TNKS1BP1: variants seen among roughly 807,000 people sequenced by gnomAD.
TNKS1BP1 encodes CCR4-NOT transcription complex subunit 12.
A neutral mutation model predicts 141.1 loss-of-function variants in TNKS1BP1; 48 were observed. The ratio of observed to expected loss-of-function variants is 0.34; its 90% CI spans 0.27 to 0.43. The LOEUF is 0.43. Ranked by LOEUF, TNKS1BP1 falls within the 20% of genes least tolerant of loss-of-function variation. TNKS1BP1 has a pLI of 1.00. For synonymous variants in TNKS1BP1, 875 were observed against 898.2 expected (o/e 0.97, Z 0.46); for missense variants, 2,149 against 2,226.0 (o/e 0.97, Z 0.70).
chr11:57,313,969 C>T, intron 4 of TNKS1BP1, 80 bp from the exon 5 acceptor site: 1 of 1,349,108 alleles, frequency 7.4e-7, no homozygotes, highest in East Asian at 2.9e-5. Flanking sequence ...CCACACAGAC[C>T]CCAGGTCAGC....
At chr11:57,322,706 C>T (rs950699362) in intron 1 of TNKS1BP1, among the ~76,000 whole-genome samples, 2 of 152,164 alleles carry the variant, frequency 1.3e-5, no homozygotes, top group African/African-American at 2.4e-5. Context: ...AAGGAGGAGC[C>T]GGCCCAGGCC....
chr11:57,308,370 C>A (rs1206103417), intron 6 of TNKS1BP1, 25 bp downstream of exon 6: 2 of 1,591,060 alleles, frequency 1.3e-6, no homozygotes, highest in African/African-American at 1.3e-5. Context: ...CCCTCCCACA[C>A]TTGGGATGGG....
intron 6 of TNKS1BP1, among the ~76,000 whole-genome samples, chr11:57,304,765 G>A (rs1422954458): frequency 7.1e-6 from 1 of 140,974 alleles, no homozygotes; most frequent in South Asian, 2.3e-4. Flanking sequence ...AGCTTCTTGG[G>A]GGAGACTGAG....
Position 57,310,084 on chromosome 11 carries a change from T to C in TNKS1BP1, c.2627A>G (p.Tyr876Cys). The C allele has an allele frequency of 1.2e-6, 2 of 1,614,172 alleles. No homozygotes were observed. Among genetic ancestry groups the C allele is most frequent in the Non-Finnish European group, 8.5e-7 (1 of 1,180,030 alleles). The change falls in exon 6 of 12, where the codon TAC becomes TGC. Residue 876 changes from tyrosine to cysteine, a missense_variant. Tyr to Cys is a radical substitution (Grantham distance 194, BLOSUM62 -2). Transcript: ENST00000358252. ...EFGKRDSLGT[Y>C]SSRDVSLGDW... ...CCCAAGGCTTACATCTCGACTACTGTAGGTACCCAGTGAATCTCTCTTTCC... is the reference window on the plus strand; with the variant it reads ...CCCAAGGCTTACATCTCGACTACTGCAGGTACCCAGTGAATCTCTCTTTCC...
At position 57,310,426 on chromosome 11, in the gene TNKS1BP1, C is replaced by T. The variant is rs764739698; in HGVS notation, c.2285G>A (p.Ser762Asn). The T allele has an allele frequency of 3.7e-6, 6 of 1,613,884 alleles. No homozygotes were observed. The highest frequency in any genetic ancestry group is 2.2e-5 in the East Asian group (1 of 44,890). ...TCCGAGACCTGGGTCTCCTCTAGGG[C>T]TTGCACCCCCAAGGCCATAGTCCTG... ...ASQDYGLGGA[S>N]PRGDPGLGER... Residue 762 changes from serine (S) to asparagine (N), a missense_variant, in exon 6 of 12, where the codon AGC becomes AAC. By Grantham distance (46) the Ser-to-Asn change is conservative. Coordinates refer to ENST00000358252, the MANE Select transcript of TNKS1BP1 (RefSeq NM_033396.3).
chr11:57,314,642 G>A (rs897474494), intron 4 of TNKS1BP1, among the ~76,000 whole-genome samples: 3 of 152,130 alleles, frequency 2.0e-5, no homozygotes, highest in African/African-American at 4.8e-5. Context: ...CTGGCCCCTC[G>A]GCATAGGACT....
intron 5 of TNKS1BP1, among the ~76,000 whole-genome samples, chr11:57,311,889 G>T (rs373793218): frequency 6.6e-6 from 1 of 152,218 alleles, no homozygotes; most frequent in African/African-American, 2.4e-5. Flanking sequence ...TGTTAATAAC[G>T]TTTGTAAAAG....
chr11:57,317,813 C>T lies in TNKS1BP1; in HGVS notation c.798+5G>A, dbSNP rs1225628463. On this transcript the variant is annotated splice_donor_5th_base_variant and intron_variant, in intron 4 of 11. Coordinates refer to ENST00000358252, the MANE Select transcript of TNKS1BP1 (RefSeq NM_033396.3). ...ATTCTGATTCATAACTGGAGGATAA[C>T]TCACATCAGCAGGTAGCTCCGAGCT... 6.2e-7 allele frequency: 1 copy of T among 1,613,422 alleles called. No individual in the cohort carries two copies. Among genetic ancestry groups the T allele is most frequent in the Admixed American group, 1.7e-5 (1 of 60,014 alleles).
chr11:57,322,317 A>T, intron 1 of TNKS1BP1: 1 of 993,222 alleles, frequency 1.0e-6, no homozygotes, highest in African/African-American at 1.7e-5. Flanking sequence ...GCAAAGTATG[A>T]AGTCTGTCTG....
rs1480557723 is a variant in TNKS1BP1, at chr11:57,313,681, G to A, written c.1007C>T (p.Pro336Leu). 1.3e-6 allele frequency: 2 copies of A among 1,572,740 alleles called. No individual in the cohort carries two copies. The highest frequency in any genetic ancestry group is 1.7e-6 in the Non-Finnish European group (2 of 1,158,546). ...SQASPCPAVT[P>L]SAPSAALPDE... is the part of the protein sequence containing the mutation. Reference sequence around the variant, plus strand: ...AGGCAGGGCTGCACTTGGAGCTGATGGAGTCACAGCGGGGCAGGGAGAAGC... The same window carrying A: ...AGGCAGGGCTGCACTTGGAGCTGATAGAGTCACAGCGGGGCAGGGAGAAGC... The change falls in exon 5 of 12, where the codon CCA becomes CTA. Residue 336 changes from proline to leucine, a missense_variant. Coordinates refer to ENST00000358252, the MANE Select transcript of TNKS1BP1 (RefSeq NM_033396.3).
chr11:57,302,805 C>T lies in TNKS1BP1; in HGVS notation c.4337G>A (p.Arg1446His), dbSNP rs562916895. 45 of 1,535,820 alleles carry T rather than the reference C, an allele frequency of 2.9e-5. No individual in the cohort carries two copies. In the African/African-American group the frequency reaches 3.5e-4, roughly 12 times the overall value. Residue 1446 changes from arginine (R) to histidine (H), a missense_variant, in exon 7 of 12, where the codon CGC (arginine) becomes CAC (histidine). By Grantham distance (29) the Arg-to-His change is conservative. Coordinates refer to ENST00000358252, the MANE Select transcript of TNKS1BP1 (RefSeq NM_033396.3). This position sits in a 1 kb window ranked among gnomAD's most constrained non-coding sequence, Gnocchi z 5.5. ...GCCCTGGGAGCCGGAGGGTGGGGGG[C>T]GGGCCGGGCACCTGCCAGGGCTGTA... ...FGASPGRCPA[R>H]PPPSGSQGLL...
Position 57,320,463 on chromosome 11 carries a change from T to C in TNKS1BP1, c.344A>G (p.Gln115Arg). Residue 115 changes from glutamine to arginine, a missense_variant, in exon 3 of 12, where the codon CAA becomes CGA. Coordinates refer to ENST00000358252, the MANE Select transcript of TNKS1BP1 (RefSeq NM_033396.3). ...CCCAGCCTCCTCTTTCCCAGTCTCTTGGGTGGCTTCTCCTCCAGTGGAGGC... is the reference window on the plus strand; with the variant it reads ...CCCAGCCTCCTCTTTCCCAGTCTCTCGGGTGGCTTCTCCTCCAGTGGAGGC... The part of the protein sequence containing the change: ...VEASTGGEAT[Q>R]ETGKEEAGKE... 3 of 1,608,198 alleles carry C rather than the reference T, an allele frequency of 1.9e-6. No homozygotes were observed. The highest frequency in any genetic ancestry group is 2.6e-6 in the Non-Finnish European group (3 of 1,176,016).
chr11:57,321,610 A>C (rs1855887244), intron 2 of TNKS1BP1, among the ~76,000 whole-genome samples, 182 bp downstream of exon 2: 1 of 152,220 alleles, frequency 6.6e-6, no homozygotes, highest in African/African-American at 2.4e-5. Context: ...GATCCCAAAC[A>C]GTTCTGAAGA....
rs372762887 is a variant in TNKS1BP1 at position 57,301,962 on chromosome 11, G to A, written c.4835-19C>T. ...CGTGGCTCTGCAAAGGCCCGGGAAA[G>A]GGGCTCAGAAAAGGCAGCACACCCA... On this transcript the variant is annotated intron_variant, in intron 8 of 11. Coordinates refer to ENST00000358252, the MANE Select transcript of TNKS1BP1 (RefSeq NM_033396.3). 3.1e-5 allele frequency: 50 copies of A among 1,611,606 alleles called. No homozygotes were observed. Among genetic ancestry groups the A allele is most frequent in the Middle Eastern group, 1.7e-4 (1 of 6,054 alleles).
At position 57,322,074 on chromosome 11, in the gene TNKS1BP1, G is replaced by C. The variant is rs896140528; in HGVS notation, c.-65-124C>G. ...GACAGGAAGAGAGAACTTGGAGTGG[G>C]GGGGGGGGGGTAGGAGGAGGTCAAG... is the stretch of plus-strand genomic sequence containing the variant. On this transcript the variant is annotated intron_variant, in intron 1 of 11. Transcript: ENST00000358252. The C allele has an allele frequency of 8.1e-5, 40 of 495,766 alleles. No individual in the cohort carries two copies. The East Asian group carries it at 1.3e-3, about 16-fold the overall frequency. The allele number at this position is 495,766 out of a possible 1,614,324, so 30.7% of individuals were successfully genotyped here. A position where few individuals can be genotyped will look rare whatever the true frequency, so the allele number is the denominator to read the frequency against.
In TNKS1BP1 at chr11:57,320,339, G is replaced by A. The variant is rs546086969; in HGVS notation, c.468C>T (p.Phe156=). Residue 156 remains phenylalanine (F), a synonymous_variant, in exon 3 of 12, where the codon TTC becomes TTT. Coordinates refer to ENST00000358252, the MANE Select transcript of TNKS1BP1 (RefSeq NM_033396.3). The stretch of plus-strand genomic sequence containing the variant: ...GGATCTCTTCCACCGTGGTGGCCGC[G>A]AAGCGCTCTGAGGCTGGGCGGAAAG... ...PAPFRPASER[F]AATTVEEILA... 5.6e-5 allele frequency: 90 copies of A among 1,614,184 alleles called. No individual in the cohort carries two copies. Among genetic ancestry groups the A allele is most frequent in the Admixed American group, 2.8e-4 (17 of 60,032 alleles).
chr11:57,318,707 C>G (rs924751403), intron 3 of TNKS1BP1, among the ~76,000 whole-genome samples: 1 of 152,238 alleles, frequency 6.6e-6, no homozygotes, highest in African/African-American at 2.4e-5. Flanking sequence ...CCTCTTCCTC[C>G]AAAGTCCCGT....
At chr11:57,320,802 T>C in intron 2 of TNKS1BP1, 90 bp from the exon 3 acceptor site, 1 of 1,390,538 alleles carries the variant, frequency 7.2e-7, no homozygotes, top group Non-Finnish European at 9.5e-7. Flanking sequence ...TCTCCCACCC[T>C]CCGATTTAAG....
intron 10 of TNKS1BP1, 128 bp from the exon 11 acceptor site, chr11:57,300,728 C>T: frequency 6.7e-7 from 1 of 1,501,840 alleles, no homozygotes; most frequent in Non-Finnish European, 9.2e-7. Context: ...TGCAGGGACC[C>T]AAATTCTGAC....
Sources: allele counts gnomAD v4.1 joint callset (sites outside exome capture counted in the v4.1 genomes callset), GRCh38; gene constraint gnomAD v4.1.1; non-coding constraint Gnocchi (gnomAD v3.1); transcripts MANE v1.5; gene names NCBI Gene and HGNC (gene_info 2026-07-23, HGNC 2026-07-21).